Variants in THTPA observed in about 807,000 individuals in gnomAD.
THTPA encodes the protein thiamine-triphosphatase.
A neutral mutation model predicts 16.5 loss-of-function variants in THTPA; 16 were observed. The ratio of observed to expected loss-of-function variants is 0.97; its 90% CI spans 0.66 to 1.47. THTPA has a LOEUF of 1.47. THTPA is among the 40% of genes most tolerant of loss of function. THTPA has a pLI of 0.00. For missense variants in THTPA, 281 were observed against 280.9 expected (o/e 1.00, Z 0.00); for synonymous variants, 110 against 115.5 (o/e 0.95, Z 0.30).
chr14:23,538,443 A>C, the THTPA span, among the ~76,000 whole-genome samples: 1 of 149,958 alleles, frequency 6.7e-6, no homozygotes, highest in African/African-American at 2.5e-5. Context: ...TCACTCCTCC[A>C]TCTTTCCTTC....
the THTPA span, among the ~76,000 whole-genome samples, chr14:23,515,727 G>A: frequency 1.3e-5 from 2 of 152,314 alleles, no homozygotes; most frequent in African/African-American, 4.8e-5. Flanking sequence ...CCTGCCCAGA[G>A]GTAGGAGTAA....
chr14:23,533,012 G>A, the THTPA span: 2 of 1,536,110 alleles, frequency 1.3e-6, no homozygotes, highest in South Asian at 1.2e-5. The surrounding 1 kb of genome is among the most constrained non-coding windows in gnomAD (Gnocchi z 4.8). Context: ...TGGTGAGGTG[G>A]GCAGGCTGTC....
chr14:23,525,054 T>C, the THTPA span: 1 of 1,536,134 alleles, frequency 6.5e-7, no homozygotes, highest in Non-Finnish European at 8.7e-7. The surrounding 1 kb of genome is among the most constrained non-coding windows in gnomAD (Gnocchi z 5.9). Flanking sequence ...CCCAACAGAC[T>C]TGCGAGTCGC....
the THTPA span, chr14:23,524,389 C>T: frequency 6.5e-7 from 1 of 1,536,218 alleles, no homozygotes; most frequent in South Asian, 1.2e-5. This position sits in a 1 kb window ranked among gnomAD's most constrained non-coding sequence, Gnocchi z 5.6. Context: ...GGGGCTCGCC[C>T]TCCCCTCCTC....
chr14:23,520,808 G>T, the THTPA span: 1 of 149,194 alleles, frequency 6.7e-6, no homozygotes, highest in Admixed American at 6.7e-5. The surrounding 1 kb of genome is among the most constrained non-coding windows in gnomAD (Gnocchi z 8.7). Flanking sequence ...GGGGGTGGGG[G>T]TGGGACAGGG....
chr14:23,531,249 G>A, the THTPA span: 1 of 470,742 alleles, frequency 2.1e-6, no homozygotes, highest in Non-Finnish European at 3.4e-6. Context: ...CCTGTTCTAT[G>A]TCATCCACCC....
chr14:23,539,837 C>T, the THTPA span, among the ~76,000 whole-genome samples: 2 of 152,162 alleles, frequency 1.3e-5, no homozygotes, highest in Non-Finnish European at 2.9e-5. Context: ...GCTAATGGGA[C>T]CTGACTGGCT....
chr14:23,543,265 T>C, the THTPA span: 7 of 152,212 alleles, frequency 4.6e-5, no homozygotes, highest in South Asian at 6.2e-4. Context: ...TAGCTATTCA[T>C]TCCTATTTTA....
rs931503763 is a variant in THTPA at position 23,559,154 on chromosome 14, A to AC, written c.*321dup. 2.8e-4 allele frequency: 79 copies of AC among 284,906 alleles called. No homozygotes were observed. The highest frequency in any genetic ancestry group is 4.8e-4 in the Non-Finnish European group (72 of 150,666). 17.6% of individuals were successfully genotyped at this position (284,906 alleles called of 1,614,324 possible). ...GTTAAGCACAGGAAAATCCCTTGCCACCCCCCCTCCCTTGGTCGATGCCAT... is the reference window on the plus strand; with the variant it reads ...GTTAAGCACAGGAAAATCCCTTGCCACCCCCCCCTCCCTTGGTCGATGCCAT... On this transcript the variant is annotated 3_prime_UTR_variant, in exon 2 of 2. Transcript: ENST00000288014.
the THTPA span, chr14:23,513,510 CAGA>C: frequency 6.5e-6 from 1 of 152,692 alleles, no homozygotes; most frequent in Non-Finnish European, 1.5e-5. Context: ...AGTGTACAAC[CAGA>C]AGGACAGAGG....
At chr14:23,528,644 C>T in the THTPA span, 1 of 985,432 alleles carries the variant, frequency 1.0e-6, no homozygotes, top group African/African-American at 1.7e-5. Flanking sequence ...TGCTCAGAAG[C>T]CAGCTCATCC....
the THTPA span, chr14:23,525,017 C>T: frequency 6.5e-7 from 1 of 1,536,200 alleles, no homozygotes; most frequent in Non-Finnish European, 8.7e-7. This position sits in a 1 kb window ranked among gnomAD's most constrained non-coding sequence, Gnocchi z 5.9. Context: ...ATTCTGGAAC[C>T]ACACCACCAC....
At chr14:23,528,460 G>C in the THTPA span, among the ~76,000 whole-genome samples, 1 of 152,124 alleles carries the variant, frequency 6.6e-6, no homozygotes, top group Admixed American at 6.5e-5. Flanking sequence ...AGATGGCTCT[G>C]TACCTACTGC....
At chr14:23,529,702 A>G in the THTPA span, 7 of 1,535,942 alleles carry the variant, frequency 4.6e-6, no homozygotes, top group East Asian at 9.8e-5. Flanking sequence ...AGTTACCCCA[A>G]TTCTGACCGT....
chr14:23,525,206 T>C, the THTPA span: 2 of 1,536,126 alleles, frequency 1.3e-6, no homozygotes, highest in Non-Finnish European at 1.7e-6. The surrounding 1 kb of genome is among the most constrained non-coding windows in gnomAD (Gnocchi z 5.9). Context: ...GCTTTCTTCC[T>C]CTTCTATGGG....
At chr14:23,552,822 G>C (rs1253130894), upstream of THTPA, among the ~76,000 whole-genome samples, 2 of 151,834 alleles carry the variant, frequency 1.3e-5, no homozygotes, top group Non-Finnish European at 2.9e-5. Context: ...GGCTGGTCTC[G>C]AACTCCTGAC....
the THTPA span, chr14:23,522,652 G>A: frequency 5.5e-5 from 85 of 1,536,306 alleles, no homozygotes; most frequent in South Asian, 8.8e-4. Context: ...GCAGGAACTG[G>A]CCCCCCAACA....
chr14:23,526,783 A>G, the THTPA span: 2 of 1,526,484 alleles, frequency 1.3e-6, no homozygotes, highest in Non-Finnish European at 1.8e-6. Context: ...TCATCTTCAG[A>G]CCTTGTTGGC....
At position 23,559,627 on chromosome 14, in the gene THTPA, C is replaced by G. The variant is rs1207700692; in HGVS notation, c.*787C>G. 9.9e-6 allele frequency: 8 copies of G among 809,986 alleles called. No individual in the cohort carries two copies. Among genetic ancestry groups the G allele is most frequent in the Non-Finnish European group, 1.6e-5 (8 of 489,610 alleles). 50.2% of individuals were successfully genotyped at this position (809,986 alleles called of 1,614,324 possible). Reference sequence around the variant, plus strand: ...ATTTGTGGGAGAAGGGGGCTGGTCCCCAGTTTTTGCAGTGCAAAGCCAGAG... The same window carrying G: ...ATTTGTGGGAGAAGGGGGCTGGTCCGCAGTTTTTGCAGTGCAAAGCCAGAG... On this transcript the variant is annotated 3_prime_UTR_variant, in exon 2 of 2. Transcript: ENST00000288014.
Sources: allele counts gnomAD v4.1 joint callset (sites outside exome capture counted in the v4.1 genomes callset), GRCh38; gene constraint gnomAD v4.1.1; non-coding constraint Gnocchi (gnomAD v3.1); transcripts MANE v1.5; gene names NCBI Gene and HGNC (gene_info 2026-07-23, HGNC 2026-07-21).